Variants in TBC1D32 observed in about 807,000 individuals in gnomAD.
TBC1D32 encodes TBC1 domain family member 32.
In TBC1D32, 151 loss-of-function variants were observed where a neutral mutation model predicts 170.3. The observed-to-expected ratio is 0.89, with a 90% CI of 0.78 to 1.01. The LOEUF is 1.01. TBC1D32 is among the 50% of genes least tolerant of loss of function. The pLI, the probability that TBC1D32 is intolerant of heterozygous loss-of-function variation, is 0.00. For synonymous variants in TBC1D32, 498 were observed against 488.0 expected, an observed-to-expected ratio of 1.02 and a Z score of -0.27; for missense variants, 1,464 against 1,457.1, an observed-to-expected ratio of 1.00 and a Z score of -0.08.
upstream of TBC1D32, chr6:121,334,556 C>G (rs1012065559): frequency 2.7e-5 from 32 of 1,192,164 alleles, no homozygotes; most frequent in Admixed American, 7.4e-4. Context: ...GATACCGCGG[C>G]GAGCGCCTGT....
At chr6:121,137,451 T>G (rs1464368540) in intron 24 of TBC1D32, among the ~76,000 whole-genome samples, 3 of 142,278 alleles carry the variant, frequency 2.1e-5, no homozygotes, top group African/African-American at 7.8e-5. Flanking sequence ...CTATGATTTA[T>G]AGACAACTAT....
chr6:121,155,492 C>T (rs188397241), intron 24 of TBC1D32, among the ~76,000 whole-genome samples: 67 of 152,128 alleles, frequency 4.4e-4, no homozygotes, highest in African/African-American at 1.5e-3. Context: ...CTTTTTCTTT[C>T]TTTCTCTTGC....
chr6:121,175,284 A>G (rs1787613003), intron 22 of TBC1D32, among the ~76,000 whole-genome samples: 2 of 152,192 alleles, frequency 1.3e-5, no homozygotes. Flanking sequence ...AGAGAGGTCT[A>G]CAGGATCTGG....
intron 25 of TBC1D32, 121 bp from the exon 26 acceptor site, chr6:121,126,582 A>G (rs932360159): frequency 1.6e-6 from 1 of 606,822 alleles, no homozygotes; most frequent in Admixed American, 3.1e-5. Context: ...ACTCTAAGGG[A>G]GTTCAATTCA....
rs1796647806 is a variant in TBC1D32, at chr6:121,239,056, A to C, written c.2364+14T>G. Reference sequence around the variant, plus strand: ...TTTTCAAATCTGTGTATTATTAGTCAAATAACTTCTTACCTTTTGACAGCT... The same window carrying C: ...TTTTCAAATCTGTGTATTATTAGTCCAATAACTTCTTACCTTTTGACAGCT... On this transcript the variant is annotated intron_variant, in intron 20 of 31. Transcript: ENST00000398212. 1 of 1,460,768 alleles carries C rather than the reference A, an allele frequency of 6.8e-7. No homozygotes were observed. The highest frequency in any genetic ancestry group is 1.2e-5 in the South Asian group (1 of 81,120). 90.5% of individuals were successfully genotyped at this position (1,460,768 alleles called of 1,614,324 possible). A position where few individuals can be genotyped will look rare whatever the true frequency, so the allele number is the denominator to read the frequency against.
At chr6:121,085,666 C>G (rs922624298) in intron 31 of TBC1D32, among the ~76,000 whole-genome samples, 2 of 151,890 alleles carry the variant, frequency 1.3e-5, no homozygotes, top group African/African-American at 4.8e-5. Flanking sequence ...TTTAACAGGT[C>G]TGGGAAGGAA....
intron 18 of TBC1D32, 22 bp from the exon 19 acceptor site, chr6:121,241,574 A>G: frequency 6.3e-7 from 1 of 1,587,260 alleles, no homozygotes; most frequent in Non-Finnish European, 8.6e-7. Flanking sequence ...AATAAGGAAC[A>G]GCAATGAAAA....
intron 21 of TBC1D32, among the ~76,000 whole-genome samples, chr6:121,206,377 C>T (rs905213732): frequency 6.6e-6 from 1 of 151,986 alleles, no homozygotes; most frequent in Non-Finnish European, 1.5e-5. Context: ...AGTTTAAATT[C>T]AGGATATTTC....
At chr6:121,202,307 A>G (rs1425644699) in intron 22 of TBC1D32, among the ~76,000 whole-genome samples, 1 of 150,488 alleles carries the variant, frequency 6.6e-6, no homozygotes, top group Non-Finnish European at 1.5e-5. Flanking sequence ...AGAAAGAAAA[A>G]GAAACCGCAG....
chr6:121,319,908 T>G (rs1231105279), intron 2 of TBC1D32, among the ~76,000 whole-genome samples: 1 of 152,060 alleles, frequency 6.6e-6, no homozygotes, highest in East Asian at 1.9e-4. Flanking sequence ...CACCATTGAG[T>G]AGATTCCTTC....
At chr6:121,207,434 TG>T (rs926472795) in intron 21 of TBC1D32, among the ~76,000 whole-genome samples, 17 of 138,504 alleles carry the variant, frequency 1.2e-4, no homozygotes, top group African/African-American at 5.6e-4. Context: ...AACAAGCTAA[TG>T]GAAGAGTAGA....
intron 22 of TBC1D32, among the ~76,000 whole-genome samples, chr6:121,174,965 G>A (rs1787559286): frequency 6.7e-6 from 1 of 149,642 alleles, no homozygotes; most frequent in African/African-American, 2.5e-5. Flanking sequence ...CCAGGGGGTC[G>A]AGGTTGCAGT....
chr6:121,258,370 T>C (rs952687401), intron 15 of TBC1D32, among the ~76,000 whole-genome samples: 4 of 152,264 alleles, frequency 2.6e-5, no homozygotes, highest in South Asian at 2.1e-4. Flanking sequence ...ACTAACTCGA[T>C]TGATATTTAA....
At chr6:121,290,525 A>T (rs1289894399) in intron 12 of TBC1D32, among the ~76,000 whole-genome samples, 3 of 152,090 alleles carry the variant, frequency 2.0e-5, no homozygotes, top group Non-Finnish European at 4.4e-5. Flanking sequence ...GATGTGGAGA[A>T]ATAGGAACAC....
chr6:121,268,594 A>G (rs1800883477), intron 15 of TBC1D32, among the ~76,000 whole-genome samples: 1 of 152,188 alleles, frequency 6.6e-6, no homozygotes, highest in Non-Finnish European at 1.5e-5. Context: ...AAAGCCTCCA[A>G]GAAATATGGG....
chr6:121,149,971 A>G (rs2128233885), intron 24 of TBC1D32, among the ~76,000 whole-genome samples: 2 of 152,218 alleles, frequency 1.3e-5, no homozygotes, highest in East Asian at 3.9e-4. Flanking sequence ...GAGATCCTTC[A>G]CATCCCTTGT....
At chr6:121,287,046 A>T (rs1052205711) in intron 12 of TBC1D32, among the ~76,000 whole-genome samples, 2 of 152,174 alleles carry the variant, frequency 1.3e-5, no homozygotes, top group African/African-American at 2.4e-5. Flanking sequence ...CACTGCAAAA[A>T]CATGCCAAAT....
intron 15 of TBC1D32, among the ~76,000 whole-genome samples, chr6:121,257,385 T>C (rs1431453795): frequency 6.6e-6 from 1 of 152,182 alleles, no homozygotes. Flanking sequence ...CTCTAGTACG[T>C]AGTCCTCCCC....
intron 15 of TBC1D32, among the ~76,000 whole-genome samples, chr6:121,271,909 A>C (rs1583500036): frequency 6.6e-6 from 1 of 152,280 alleles, no homozygotes; most frequent in South Asian, 2.1e-4. Context: ...CAAAACAGAG[A>C]TATAGACCCA....
Sources: gnomAD v4.1 joint callset for allele counts (sites outside exome capture counted in the v4.1 genomes callset) on GRCh38, gnomAD v4.1.1 for gene constraint, MANE v1.5 for transcripts, NCBI Gene and HGNC (gene_info 2026-07-23, HGNC 2026-07-21) for gene names.